Variants in CEP63 observed in about 807,000 individuals in gnomAD.
The protein encoded by CEP63 is centrosomal protein of 63 kDa.
A neutral mutation model predicts 89.1 loss-of-function variants in CEP63; 84 were observed. The observed-to-expected ratio is 0.94, with a 90% CI of 0.79 to 1.13. The LOEUF (loss-of-function observed/expected upper bound fraction) is 1.13. Among genes scored for constraint, CEP63 ranks in the 50% most tolerant of loss-of-function variants. The pLI is 0.00. For missense variants in CEP63, 838 were observed against 813.3 expected (o/e 1.03, Z -0.37); for synonymous variants, 267 against 272.5 (o/e 0.98, Z 0.20).
chr3:134,651,032 C>G, the CEP63 span: 6 of 1,597,970 alleles, frequency 3.8e-6, no homozygotes, highest in South Asian at 6.7e-5. Context: ...TGGCCCCGTG[C>G]GCGCAGCTGC....
In CEP63 at chr3:134,492,166, C is replaced by T. The variant is rs146780638; in HGVS notation, c.-25-3130C>T. The stretch of plus-strand genomic sequence containing the variant: ...TTGACTCACTGCAAGCTCCGCCTCC[C>T]GGGTTCACGCCATTCTCCTGCCTCA... On this transcript the variant is annotated intron_variant, in intron 1 of 14. Coordinates refer to ENST00000675561, the MANE Select transcript of CEP63 (RefSeq NM_001353108.3). Among the ~76,000 whole-genome samples, 448 of 151,084 alleles carry T rather than the reference C, an allele frequency of 3.0e-3. 3 individuals are homozygous for T. Among genetic ancestry groups the T allele is most frequent in the African/African-American group, 0.01 (425 of 41,056 alleles).
intron 1 of CEP63, chr3:134,486,734 A>G (rs996950755): frequency 2.3e-5 from 4 of 171,774 alleles, no homozygotes; most frequent in African/African-American, 4.8e-5. Context: ...TAAGGTTGGC[A>G]GCTTTTAAAA....
chr3:134,671,679 G>A, the CEP63 span, among the ~76,000 whole-genome samples: 7 of 152,226 alleles, frequency 4.6e-5, no homozygotes, highest in Admixed American at 4.6e-4. Context: ...TTAAGGAAGT[G>A]TTTAAACAAA....
At chr3:134,672,897 C>A in the CEP63 span, among the ~76,000 whole-genome samples, 1 of 152,226 alleles carries the variant, frequency 6.6e-6, no homozygotes, top group Non-Finnish European at 1.5e-5. Context: ...AGCAATGCAG[C>A]TCTAATCATG....
Position 134,563,804 on chromosome 3 carries a change from C to G in CEP63, c.*2269C>G, listed in dbSNP as rs1194889546. On this transcript the variant is annotated 3_prime_UTR_variant, in exon 15 of 15. Coordinates refer to ENST00000675561, the MANE Select transcript of CEP63 (RefSeq NM_001353108.3). ...GTGTCAATAATCTGGGCCTAATCACCCATTGCATCATCCTTTACTGTGCTC... is the reference window on the plus strand; with the variant it reads ...GTGTCAATAATCTGGGCCTAATCACGCATTGCATCATCCTTTACTGTGCTC... The G allele has an allele frequency of 6.6e-6, 1 of 152,234 alleles. No homozygotes were observed. The highest frequency in any genetic ancestry group is 1.5e-5 in the Non-Finnish European group (1 of 68,080). The allele number at this position is 152,234 out of a possible 1,614,324, so 9.4% of individuals were successfully genotyped here. A position where few individuals can be genotyped will look rare whatever the true frequency, so the allele number is the denominator to read the frequency against.
intron 4 of CEP63, 74 bp from the exon 5 acceptor site, chr3:134,532,704 A>G: frequency 7.8e-7 from 1 of 1,285,140 alleles, no homozygotes; most frequent in Non-Finnish European, 1.1e-6. Context: ...TCTTGTTTTC[A>G]TAATACCAAT....
chr3:134,567,221 G>C (rs1026501902), downstream of CEP63, among the ~76,000 whole-genome samples: 30 of 151,174 alleles, frequency 2.0e-4, no homozygotes, highest in African/African-American at 7.3e-4. Flanking sequence ...CAAATCTGTA[G>C]AGATAGAAAA....
At chr3:134,671,115 G>T in the CEP63 span, among the ~76,000 whole-genome samples, 1 of 152,094 alleles carries the variant, frequency 6.6e-6, no homozygotes, top group Admixed American at 6.6e-5. Context: ...CAATACATGT[G>T]TCATATTTAC....
the CEP63 span, chr3:134,627,830 C>A: frequency 1.2e-6 from 2 of 1,607,420 alleles, no homozygotes; most frequent in Non-Finnish European, 1.7e-6. Context: ...TACAATATTC[C>A]AAAGATCAGA....
At chr3:134,589,771 T>C (rs1248033996), downstream of CEP63, among the ~76,000 whole-genome samples, 3 of 152,198 alleles carry the variant, frequency 2.0e-5, no homozygotes, top group African/African-American at 7.2e-5. Flanking sequence ...GGATATTAAC[T>C]TTTCTACCAT....
chr3:134,496,671 C>G (rs1455644758), intron 2 of CEP63, among the ~76,000 whole-genome samples: 2 of 152,022 alleles, frequency 1.3e-5, no homozygotes, highest in African/African-American at 4.8e-5. Context: ...AAATATTGTG[C>G]CTGTTTATGT....
chr3:134,653,656 G>A, the CEP63 span, among the ~76,000 whole-genome samples: 1 of 152,362 alleles, frequency 6.6e-6, no homozygotes, highest in South Asian at 2.1e-4. Context: ...GATGTATCAG[G>A]AAAGGGGAAG....
chr3:134,643,828 TC>T, the CEP63 span, among the ~76,000 whole-genome samples: 1 of 104,884 alleles, frequency 9.5e-6, no homozygotes, highest in African/African-American at 3.0e-5. Flanking sequence ...GTCTCCTGCT[TC>T]TTTTTTTTTT....
chr3:134,695,857 A>G, the CEP63 span, among the ~76,000 whole-genome samples: 44 of 152,324 alleles, frequency 2.9e-4, no homozygotes, highest in African/African-American at 1.0e-3. Flanking sequence ...GCTTATGTGT[A>G]CTAACTCAGT....
intron 2 of CEP63, among the ~76,000 whole-genome samples, chr3:134,496,436 G>A (rs906260669): frequency 6.7e-6 from 1 of 149,620 alleles, no homozygotes; most frequent in Non-Finnish European, 1.5e-5. Context: ...AAAAAAGGGG[G>A]GGGGGGCTAA....
chr3:134,523,233 A>G (rs1947882422), intron 3 of CEP63, among the ~76,000 whole-genome samples: 1 of 151,980 alleles, frequency 6.6e-6, no homozygotes, highest in African/African-American at 2.4e-5. Context: ...TCTTTTGCCC[A>G]GTTTTTAGTG....
At chr3:134,764,560 G>T in the CEP63 span, among the ~76,000 whole-genome samples, 9 of 152,276 alleles carry the variant, frequency 5.9e-5, no homozygotes, top group East Asian at 1.7e-3. Context: ...TCACAATGGG[G>T]CAGTACATAG....
the CEP63 span, chr3:134,651,180 A>G: frequency 7.2e-7 from 1 of 1,385,506 alleles, no homozygotes; most frequent in South Asian, 1.5e-5. Context: ...AAGCGGCTCT[A>G]AGTCACCTTT....
the CEP63 span, among the ~76,000 whole-genome samples, chr3:134,593,551 G>A: frequency 1.3e-5 from 2 of 152,130 alleles, no homozygotes; most frequent in Admixed American, 6.5e-5. Flanking sequence ...TGTCAAACAG[G>A]GGCTGAGCCA....
Sources: allele counts gnomAD v4.1 joint callset (sites outside exome capture counted in the v4.1 genomes callset), GRCh38; gene constraint gnomAD v4.1.1; transcripts MANE v1.5; gene names NCBI Gene and HGNC (gene_info 2026-07-23, HGNC 2026-07-21).